Variants in MGAM observed in about 807,000 individuals in gnomAD.
The protein encoded by MGAM is maltase-glucoamylase.
MGAM carries 253 observed loss-of-function variants against 358.8 expected under a neutral mutation model. The observed-to-expected ratio is 0.71, with a 90% CI of 0.64 to 0.78. The LOEUF (loss-of-function observed/expected upper bound fraction) is 0.78. Among genes scored for constraint, MGAM ranks in the 30% least tolerant of loss-of-function variants. MGAM has a pLI of 0.00. For missense variants in MGAM, 3,080 were observed against 3,432.6 expected (o/e 0.90, Z 2.57); for synonymous variants, 1,105 against 1,227.1 (o/e 0.90, Z 2.08).
At position 142,036,186 on chromosome 7, in the gene MGAM, T is replaced by C. The variant is rs782480522; in HGVS notation, c.1977T>C (p.Cys659=). 1 of 1,611,674 alleles carries C rather than the reference T, an allele frequency of 6.2e-7. No homozygotes were observed. Among genetic ancestry groups the C allele is most frequent in the Admixed American group, 1.7e-5 (1 of 59,762 alleles). ...FGIPMVGPDI[C]GFALDTPEEL... Reference sequence around the variant, plus strand: ...CCTTCCAGGTGGGTCCTGACATATGTGGCTTTGCTTTGGACACCCCTGAGG... The same window carrying C: ...CCTTCCAGGTGGGTCCTGACATATGCGGCTTTGCTTTGGACACCCCTGAGG... The change falls in exon 17 of 71, where the codon TGT becomes TGC. Residue 659 remains cysteine (C), a synonymous_variant. Transcript: ENST00000475668.
chr7:142,015,592 T>C (rs548039022), intron 3 of MGAM, among the ~76,000 whole-genome samples: 2 of 152,162 alleles, frequency 1.3e-5, no homozygotes, highest in South Asian at 2.1e-4. Flanking sequence ...ACCGAGACAA[T>C]ATTTTGTCTG....
chr7:142,036,213 G>C lies in MGAM; in HGVS notation c.2004G>C (p.Glu668Asp). The change falls in exon 17 of 71, where the codon GAG becomes GAC. Residue 668 changes from glutamate (E) to aspartate (D), a missense_variant. By Grantham distance (45) the Glu-to-Asp change is conservative. Transcript: ENST00000475668. ...GCTTTGCTTTGGACACCCCTGAGGA[G>C]CTCTGTAGGCGGTGGATGCAGTTGG... is the stretch of plus-strand genomic sequence containing the variant. ...ICGFALDTPEELCRRWMQLGA... is the reference protein window; with the variant it reads ...ICGFALDTPEDLCRRWMQLGA... 6.2e-7 allele frequency: 1 copy of C among 1,612,522 alleles called. No homozygotes were observed.
chr7:142,104,733 G>A (rs550855808), intron 70 of MGAM, among the ~76,000 whole-genome samples: 2 of 152,230 alleles, frequency 1.3e-5, no homozygotes, highest in African/African-American at 4.8e-5. Flanking sequence ...TAATTCTATG[G>A]TTGTCGATTA....
chr7:142,022,654 A>G (rs1296206859), intron 7 of MGAM, among the ~76,000 whole-genome samples: 2 of 152,156 alleles, frequency 1.3e-5, no homozygotes, highest in African/African-American at 4.8e-5. Flanking sequence ...TAATATCTCA[A>G]TAGGGTTGTG....
intron 31 of MGAM, among the ~76,000 whole-genome samples, chr7:142,058,688 G>A (rs547676091): frequency 1.9e-4 from 29 of 152,268 alleles, no homozygotes; most frequent in Non-Finnish European, 3.7e-4. Flanking sequence ...CTTAATTCTT[G>A]AAAAGACTAA....
rs200216128 is a variant in MGAM at position 142,105,832 on chromosome 7, A to T, written c.8203A>T (p.Thr2735Ser). Residue 2735 changes from threonine (T) to serine (S), a missense_variant, in exon 71 of 71, where the codon ACT becomes TCT. Physicochemically the swap from Thr to Ser is moderately conservative, Grantham distance 58 (BLOSUM62 1). Transcript: ENST00000475668. ...CTAACAGGTATTAAGCATCGATGTG[A>T]CTGACAGAAACATCAGCCTACATAA... ...PTTQVLSIDV[T>S]DRNISLHNFT... 65 of 1,613,324 alleles carry T rather than the reference A, an allele frequency of 4.0e-5. No individual in the cohort carries two copies. The highest frequency in any genetic ancestry group is 5.1e-6 in the Non-Finnish European group (6 of 1,179,432).
chr7:142,041,205 A>C (rs1343159540), intron 21 of MGAM, among the ~76,000 whole-genome samples: 2 of 152,096 alleles, frequency 1.3e-5, no homozygotes, highest in Non-Finnish European at 2.9e-5. Context: ...GCAAACCTCA[A>C]ATCTCCAAGT....
chr7:142,084,579 G>A lies in MGAM; in HGVS notation c.6442G>A (p.Gly2148Ser), dbSNP rs1814598431. ...WSLGFQLCRY[G>S]YQNDSEISSL... is the part of the protein sequence containing the mutation. ...TTTGGGGTTCCAGCTGTGTCGCTAT[G>A]GCTACCAGAACGACTCTGAGATCTC... The change falls in exon 54 of 71, where the codon GGC (glycine) becomes AGC (serine). Residue 2148 changes from glycine to serine, a missense_variant. Physicochemically the swap from Gly to Ser is moderately conservative, Grantham distance 56. Coordinates refer to ENST00000475668, the MANE Select transcript of MGAM (RefSeq NM_001365693.1). The A allele has an allele frequency of 6.4e-7, 1 of 1,556,350 alleles. No homozygotes were observed. The highest frequency in any genetic ancestry group is 8.8e-7 in the Non-Finnish European group (1 of 1,132,708).
intron 7 of MGAM, among the ~76,000 whole-genome samples, chr7:142,023,446 T>TATAC (rs1554459786): frequency 1.1e-4 from 17 of 150,784 alleles, no homozygotes; most frequent in African/African-American, 3.9e-4. Context: ...TATATATATA[T>TATAC]ACACACACAC....
In MGAM at chr7:142,088,437, C is replaced by CTATGTATGTATGTATGTATGTATGTATG. The variant is rs75555022; in HGVS notation, c.6810+1746_6810+1747insTGTATGTATGTATGTATGTATGTATGTA. ...TATCTATGTATATCCATGTACCCAT[C>CTATGTATGTATGTATGTATGTATGTATG]TATGTATGTATGTATGTATGTATGT... On this transcript the variant is annotated intron_variant, in intron 57 of 70. Coordinates refer to ENST00000475668, the MANE Select transcript of MGAM (RefSeq NM_001365693.1). Among the ~76,000 whole-genome samples, 4 of 139,566 alleles carry CTATGTATGTATGTATGTATGTATGTATG rather than the reference C, an allele frequency of 2.9e-5. 1 individual carries two copies. Among genetic ancestry groups the CTATGTATGTATGTATGTATGTATGTATG allele is most frequent in the Admixed American group, 1.4e-4 (2 of 13,910 alleles). The allele number at this position is 139,566 out of a possible 152,430, so 91.6% of individuals were successfully genotyped here. A position where few individuals can be genotyped will look rare whatever the true frequency, so the allele number is the denominator to read the frequency against.
chr7:142,024,228 C>G (rs1201140246), intron 7 of MGAM, among the ~76,000 whole-genome samples: 1 of 151,030 alleles, frequency 6.6e-6, no homozygotes, highest in East Asian at 1.9e-4. Context: ...GACTCCATCT[C>G]AAAAAAATAA....
intron 1 of MGAM, among the ~76,000 whole-genome samples, chr7:142,004,933 T>G (rs569297617): frequency 5.7e-4 from 87 of 152,006 alleles, no homozygotes; most frequent in Non-Finnish European, 9.9e-4. Flanking sequence ...AAAATCAAAC[T>G]TAAATCTGAT....
intron 40 of MGAM, among the ~76,000 whole-genome samples, chr7:142,066,346 T>A (rs2961069): frequency 6.9e-6 from 1 of 144,924 alleles, no homozygotes; most frequent in Non-Finnish European, 1.6e-5. Flanking sequence ...AGGCAGAATT[T>A]TACCAAATGT....
At chr7:142,068,968 T>C (rs1813090484) in intron 43 of MGAM, among the ~76,000 whole-genome samples, 1 of 146,618 alleles carries the variant, frequency 6.8e-6, no homozygotes, top group South Asian at 2.2e-4. Flanking sequence ...TGTTAGTTTT[T>C]AATATTTCTT....
Position 142,076,375 on chromosome 7 carries a change from A to G in MGAM, c.5325+123A>G, listed in dbSNP as rs1585064289. On this transcript the variant is annotated intron_variant, in intron 46 of 70. Coordinates refer to ENST00000475668, the MANE Select transcript of MGAM (RefSeq NM_001365693.1). ...TATGCATTATTGGCTATAGGTGAGCACATTTCTATTTATGATTTCATCGAT... is the reference window on the plus strand; with the variant it reads ...TATGCATTATTGGCTATAGGTGAGCGCATTTCTATTTATGATTTCATCGAT... The G allele has an allele frequency of 5.8e-6, 6 of 1,037,578 alleles. 1 individual carries two copies. In the Admixed American group the frequency reaches 7.0e-5, roughly 12 times the overall value. 64.3% of individuals were successfully genotyped at this position (1,037,578 alleles called of 1,614,324 possible). A position where few individuals can be genotyped will look rare whatever the true frequency, so the allele number is the denominator to read the frequency against.
intron 6 of MGAM, 144 bp from the exon 7 acceptor site, chr7:142,022,124 A>T: frequency 1.3e-6 from 1 of 766,036 alleles, no homozygotes. Flanking sequence ...CTTGTTTTCC[A>T]TAGAAAAATG....
rs151198961 is a variant in MGAM, at chr7:142,072,045, A to G, written c.5186+927A>G. Among the ~76,000 whole-genome samples the G allele has an allele frequency of 3.8e-3, 559 of 146,194 alleles. 44 individuals are homozygous for G. Among genetic ancestry groups the G allele is most frequent in the African/African-American group, 6.4e-3 (262 of 41,204 alleles). On this transcript the variant is annotated intron_variant, in intron 44 of 70. Coordinates refer to ENST00000475668, the MANE Select transcript of MGAM (RefSeq NM_001365693.1). ...CTAATGGGAAATATCCCTAAATCCA[A>G]TACCAGTTGGCTTCCATTTTCTAAC...
At chr7:142,063,642 G>T (rs1489478348) in intron 36 of MGAM, 56 bp downstream of exon 36, 1 of 1,571,732 alleles carries the variant, frequency 6.4e-7, no homozygotes, top group African/African-American at 1.4e-5. Flanking sequence ...GATTACACTG[G>T]AGGAGCCCGA....
chr7:142,032,762 C>A, intron 13 of MGAM, 63 bp from the exon 14 acceptor site: 3 of 941,774 alleles, frequency 3.2e-6, no homozygotes, highest in Admixed American at 2.3e-5. Flanking sequence ...AAAAAGACAC[C>A]ATCACGACAT....
Sources: allele counts gnomAD v4.1 joint callset (sites outside exome capture counted in the v4.1 genomes callset), GRCh38; gene constraint gnomAD v4.1.1; transcripts MANE v1.5; gene names NCBI Gene and HGNC (gene_info 2026-07-23, HGNC 2026-07-21).